MRPS18A: variants seen among roughly 807,000 people sequenced by gnomAD.
MRPS18A encodes the protein large ribosomal subunit protein mL66.
MRPS18A carries 20 observed loss-of-function variants against 22.7 expected under a neutral mutation model. The ratio of observed to expected loss-of-function variants is 0.88; its 90% CI spans 0.62 to 1.28. The LOEUF (loss-of-function observed/expected upper bound fraction) is 1.28. Ranked by LOEUF, MRPS18A falls within the 50% of genes most tolerant of loss-of-function variation. MRPS18A has a pLI of 0.00. For synonymous variants in MRPS18A, 106 were observed against 99.1 expected, an observed-to-expected ratio of 1.07 and a Z score of -0.41; for missense variants, 294 against 262.6, an observed-to-expected ratio of 1.12 and a Z score of -0.83.
chr6:43,675,573 C>T lies in MRPS18A; in HGVS notation c.297G>A (p.Met99Ile). The change falls in exon 4 of 6, where the codon ATG becomes ATA. Residue 99 changes from methionine (M) to isoleucine (I), a missense_variant. Transcript: ENST00000372133. Reference sequence around the variant, plus strand: ...ATAGGCCTGTGATCTTTCGGGGCAGCATGCCTCCATGAGGCCGGATGAACT... The same window carrying T: ...ATAGGCCTGTGATCTTTCGGGGCAGTATGCCTCCATGAGGCCGGATGAACT... ...LSQFIRPHGG[M>I]LPRKITGLCQ... The T allele has an allele frequency of 6.2e-7, 1 of 1,613,852 alleles. No individual in the cohort carries two copies.
intron 5 of MRPS18A, chr6:43,672,369 C>T (rs1330511333): frequency 2.1e-6 from 1 of 471,842 alleles, no homozygotes; most frequent in African/African-American, 2.0e-5. Flanking sequence ...GGTATAAGAC[C>T]CCTGCCCCTC....
chr6:43,687,453 G>A (rs1774773945), intron 1 of MRPS18A, among the ~76,000 whole-genome samples: 1 of 152,276 alleles, frequency 6.6e-6, no homozygotes, highest in South Asian at 2.1e-4. Flanking sequence ...TTTTCTCTCC[G>A]TCCTCCTCCG....
At position 43,673,079 on chromosome 6, in the gene MRPS18A, C is replaced by T. The variant is rs1773837052; in HGVS notation, c.447-1173G>A. On this transcript the variant is annotated intron_variant, in intron 5 of 5. Coordinates refer to ENST00000372133, the MANE Select transcript of MRPS18A (RefSeq NM_018135.4). This position sits in a 1 kb window ranked among gnomAD's most constrained non-coding sequence, Gnocchi z 4.2. Reference sequence around the variant, plus strand: ...CTCGGCTCACTGCAACTTCCGCCTCCTGGGTTTAAGCAATTCTCCTGCCTC... The same window carrying T: ...CTCGGCTCACTGCAACTTCCGCCTCTTGGGTTTAAGCAATTCTCCTGCCTC... 6.6e-6 allele frequency among the ~76,000 whole-genome samples: 1 copy of T among 151,422 alleles called. No homozygotes were observed. Among genetic ancestry groups the T allele is most frequent in the African/African-American group, 2.4e-5 (1 of 41,182 alleles).
chr6:43,676,057 C>T (rs1053075231), intron 3 of MRPS18A, among the ~76,000 whole-genome samples: 1 of 152,062 alleles, frequency 6.6e-6, no homozygotes, highest in African/African-American at 2.4e-5. Flanking sequence ...CGCTATGTTG[C>T]CCAGGTTGGT....
chr6:43,677,996 C>A (rs1019171463), intron 3 of MRPS18A, among the ~76,000 whole-genome samples: 4 of 152,052 alleles, frequency 2.6e-5, no homozygotes, highest in African/African-American at 9.7e-5. Flanking sequence ...TCAAATACAC[C>A]CTCATCATAA....
Position 43,675,419 on chromosome 6 carries a change from C to G in MRPS18A, c.376+75G>C, listed in dbSNP as rs749288566. On this transcript the variant is annotated intron_variant, in intron 4 of 5. Transcript: ENST00000372133. Reference sequence around the variant, plus strand: ...ATATCCACTTTTCTTCCAGGAGGGGCTGAAACATGGGGCAGCTGGGTGGGG... The same window carrying G: ...ATATCCACTTTTCTTCCAGGAGGGGGTGAAACATGGGGCAGCTGGGTGGGG... The G allele has an allele frequency of 4.3e-6, 7 of 1,612,148 alleles. No homozygotes were observed. The African/African-American group carries it at 9.3e-5, about 22-fold the overall frequency.
At chr6:43,679,514 G>A (rs1582410854) in intron 2 of MRPS18A, among the ~76,000 whole-genome samples, 1 of 152,192 alleles carries the variant, frequency 6.6e-6, no homozygotes, top group East Asian at 1.9e-4. Flanking sequence ...CCCTATCGCT[G>A]CCGTATCCTG....
chr6:43,680,244 G>A (rs935410336), intron 2 of MRPS18A, among the ~76,000 whole-genome samples: 4 of 152,148 alleles, frequency 2.6e-5, no homozygotes, highest in African/African-American at 9.7e-5. Flanking sequence ...AGGGGATTGG[G>A]GGGGGTCCCC....
chr6:43,674,735 A>G (rs1773953517), intron 5 of MRPS18A, among the ~76,000 whole-genome samples: 1 of 152,040 alleles, frequency 6.6e-6, no homozygotes, highest in South Asian at 2.1e-4. Context: ...GTTAACTACA[A>G]CTCTGGGGAG....
intron 5 of MRPS18A, 105 bp from the exon 6 acceptor site, chr6:43,672,011 AAT>A: frequency 7.7e-7 from 1 of 1,306,832 alleles, no homozygotes; most frequent in Non-Finnish European, 1.0e-6. Flanking sequence ...TGGGCAAGCA[AAT>A]CCTTTCACCA....
intron 5 of MRPS18A, chr6:43,672,486 T>C (rs1352744033): frequency 2.1e-6 from 1 of 468,044 alleles, no homozygotes; most frequent in East Asian, 7.0e-5. Flanking sequence ...CTGCCGCCCA[T>C]GGACCTTTGG....
At chr6:43,677,958 C>G (rs1194286442) in intron 3 of MRPS18A, among the ~76,000 whole-genome samples, 1 of 152,096 alleles carries the variant, frequency 6.6e-6, no homozygotes, top group African/African-American at 2.4e-5. Context: ...AATGTGTTCC[C>G]AGATCACAGT....
Position 43,681,134 on chromosome 6 carries a change from G to C in MRPS18A, c.113-14C>G, listed in dbSNP as rs773243476. ...GGGTCTCCACCACTACGGAGATAAA[G>C]GGGGAAACATTAGGTCAGCCATTTA... is the stretch of plus-strand genomic sequence containing the variant. On this transcript the variant is annotated splice_polypyrimidine_tract_variant and intron_variant, in intron 1 of 5. Transcript: ENST00000372133. The C allele has an allele frequency of 1.9e-6, 3 of 1,612,116 alleles. No individual in the cohort carries two copies. In the Admixed American group the frequency reaches 5.0e-5, roughly 27 times the overall value.
chr6:43,680,763 G>C (rs1774354903), intron 2 of MRPS18A, among the ~76,000 whole-genome samples: 1 of 152,178 alleles, frequency 6.6e-6, no homozygotes, highest in South Asian at 2.1e-4. Flanking sequence ...TGGCTCTCTA[G>C]GCGTGCAACA....
chr6:43,675,289 G>A lies in MRPS18A; in HGVS notation c.377-18C>T. On this transcript the variant is annotated intron_variant, in intron 4 of 5. Coordinates refer to ENST00000372133, the MANE Select transcript of MRPS18A (RefSeq NM_018135.4). The stretch of plus-strand genomic sequence containing the variant: ...TAATAGACCTGAGTGGCGGGGAAGA[G>A]GGGATAGTCTTTGCAGCTCCCTCTG... The A allele has an allele frequency of 1.3e-6, 2 of 1,539,414 alleles. No individual in the cohort carries two copies. Among genetic ancestry groups the A allele is most frequent in the Admixed American group, 2.0e-5 (1 of 49,564 alleles).
chr6:43,677,770 AG>A (rs1199790771), intron 3 of MRPS18A, among the ~76,000 whole-genome samples: 3 of 152,190 alleles, frequency 2.0e-5, no homozygotes, highest in Admixed American at 6.5e-5. Context: ...CCTACTTCAT[AG>A]GGTTACTGTG....
chr6:43,671,587 C>A lies in MRPS18A; in HGVS notation c.*175G>T, dbSNP rs562398197. 201 of 705,982 alleles carry A rather than the reference C, an allele frequency of 2.8e-4. 1 individual carries two copies. The African/African-American group carries it at 3.3e-3, about 12-fold the overall frequency. 43.7% of individuals were successfully genotyped at this position (705,982 alleles called of 1,614,324 possible). ...CTGCCTCTAGCTCCCAGCATTGCTA[C>A]TGTGCAGGCCAAGGGTACTGAAGTT... On this transcript the variant is annotated 3_prime_UTR_variant, in exon 6 of 6. Coordinates refer to ENST00000372133, the MANE Select transcript of MRPS18A (RefSeq NM_018135.4).
chr6:43,684,805 T>C (rs1364941763), intron 1 of MRPS18A, among the ~76,000 whole-genome samples: 1 of 152,248 alleles, frequency 6.6e-6, no homozygotes, highest in Non-Finnish European at 1.5e-5. Flanking sequence ...CTCACTTCAA[T>C]ATACCTTTCT....
Position 43,687,723 on chromosome 6 carries a change from T to C in MRPS18A, c.57A>G (p.Leu19=). 6.3e-7 allele frequency: 1 copy of C among 1,588,792 alleles called. No homozygotes were observed. The highest frequency in any genetic ancestry group is 8.6e-7 in the Non-Finnish European group (1 of 1,167,886). Residue 19 remains leucine, a synonymous_variant, in exon 1 of 6, where the codon CTA becomes CTG. Coordinates refer to ENST00000372133, the MANE Select transcript of MRPS18A (RefSeq NM_018135.4). ...ACCAGCTGGTCGCTGCCGGGCCCGC[T>C]AGTAGCCCACGGAGAAGCCGCCCAC... ...SGCGRLLRGL[L]AGPAATSWSR...
Sources: allele counts gnomAD v4.1 joint callset (sites outside exome capture counted in the v4.1 genomes callset), GRCh38; gene constraint gnomAD v4.1.1; non-coding constraint Gnocchi (gnomAD v3.1); transcripts MANE v1.5; gene names NCBI Gene and HGNC (gene_info 2026-07-23, HGNC 2026-07-21).